KHDRBS2: variants seen among roughly 807,000 people sequenced by gnomAD.
KHDRBS2 encodes the protein KH domain-containing, RNA-binding, signal transduction-associated protein 2.
KHDRBS2 carries 26 observed loss-of-function variants against 44.3 expected under a neutral mutation model. The ratio of observed to expected loss-of-function variants is 0.59; its 90% CI spans 0.43 to 0.81. KHDRBS2 has a LOEUF of 0.81. Ranked by LOEUF, KHDRBS2 falls within the 40% of genes least tolerant of loss-of-function variation. KHDRBS2 has a pLI of 0.00. For synonymous variants in KHDRBS2, 194 were observed against 151.1 expected, an observed-to-expected ratio of 1.28 and a Z score of -2.08; for missense variants, 476 against 433.1, an observed-to-expected ratio of 1.10 and a Z score of -0.88.
chr6:62,172,587 T>C (rs1176449217), intron 2 of KHDRBS2, among the ~76,000 whole-genome samples: 6 of 149,860 alleles, frequency 4.0e-5, no homozygotes, highest in Admixed American at 6.8e-5. Context: ...ATGAACCTAA[T>C]AGACATCTAA....
At chr6:62,098,806 G>T (rs759441765) in intron 2 of KHDRBS2, among the ~76,000 whole-genome samples, 2 of 152,084 alleles carry the variant, frequency 1.3e-5, no homozygotes, top group African/African-American at 4.8e-5. Flanking sequence ...CTACCCAATA[G>T]TTCCTGTAGG....
chr6:61,924,173 G>A (rs531059234), intron 4 of KHDRBS2, among the ~76,000 whole-genome samples: 1 of 152,128 alleles, frequency 6.6e-6, no homozygotes, highest in Non-Finnish European at 1.5e-5. Flanking sequence ...AATAAAAAGA[G>A]ACGTACACTA....
chr6:62,001,883 A>T (rs1387410783), intron 3 of KHDRBS2, among the ~76,000 whole-genome samples: 6 of 152,118 alleles, frequency 3.9e-5, no homozygotes, highest in Non-Finnish European at 8.8e-5. Flanking sequence ...GGTTGAAAAG[A>T]AGAGGATTAT....
chr6:61,733,145 C>T (rs1482702300), intron 6 of KHDRBS2, among the ~76,000 whole-genome samples: 1 of 152,030 alleles, frequency 6.6e-6, no homozygotes, highest in Non-Finnish European at 1.5e-5. Context: ...ATTTTTTCTT[C>T]TCCTTTTAAT....
chr6:61,934,958 TTGTC>T (rs769574208), intron 4 of KHDRBS2, among the ~76,000 whole-genome samples: 8 of 152,184 alleles, frequency 5.3e-5, no homozygotes, highest in Non-Finnish European at 1.0e-4. Context: ...TCTAACAACT[TTGTC>T]TGTCTCTCAC....
At chr6:62,107,607 T>C (rs960448874) in intron 2 of KHDRBS2, among the ~76,000 whole-genome samples, 4 of 152,150 alleles carry the variant, frequency 2.6e-5, no homozygotes, top group African/African-American at 4.8e-5. Flanking sequence ...AAACTTCATA[T>C]GGAACCAAAA....
chr6:62,187,802 A>G (rs1823751647), intron 1 of KHDRBS2, among the ~76,000 whole-genome samples: 1 of 152,108 alleles, frequency 6.6e-6, no homozygotes, highest in African/African-American at 2.4e-5. Flanking sequence ...TGTATTGTTA[A>G]TTGTAAGTAC....
intron 4 of KHDRBS2, among the ~76,000 whole-genome samples, chr6:61,944,738 T>C (rs962132327): frequency 1.3e-5 from 2 of 152,102 alleles, no homozygotes; most frequent in African/African-American, 4.8e-5. Context: ...TTACACAGTC[T>C]TGTATGTAAA....
chr6:61,873,340 T>C (rs1177443399), intron 6 of KHDRBS2, among the ~76,000 whole-genome samples: 1 of 151,968 alleles, frequency 6.6e-6, no homozygotes, highest in Non-Finnish European at 1.5e-5. Flanking sequence ...ACAGGCATAG[T>C]TATGCAAGCA....
At chr6:62,162,327 T>C (rs1310972291) in intron 2 of KHDRBS2, among the ~76,000 whole-genome samples, 1 of 152,032 alleles carries the variant, frequency 6.6e-6, no homozygotes, top group Non-Finnish European at 1.5e-5. Flanking sequence ...ATGTATTACT[T>C]TTAAAGAACA....
chr6:62,109,924 T>C (rs1804612820), intron 2 of KHDRBS2, among the ~76,000 whole-genome samples: 1 of 151,734 alleles, frequency 6.6e-6, no homozygotes, highest in African/African-American at 2.4e-5. Context: ...CTATAAAACT[T>C]CTAAAAGAAG....
chr6:61,712,183 T>C (rs1364930123), intron 7 of KHDRBS2, among the ~76,000 whole-genome samples: 3 of 151,926 alleles, frequency 2.0e-5, no homozygotes, highest in Admixed American at 6.6e-5. Context: ...ACTGTATCAG[T>C]TGAGGCAATA....
the KHDRBS2 span, among the ~76,000 whole-genome samples, chr6:61,593,034 A>G: frequency 6.6e-6 from 1 of 152,190 alleles, no homozygotes; most frequent in African/African-American, 2.4e-5. Context: ...AGAAGAAGAA[A>G]AAAAGGTTAA....
At chr6:62,242,671 A>G (rs1001888889) in intron 1 of KHDRBS2, among the ~76,000 whole-genome samples, 1 of 152,170 alleles carries the variant, frequency 6.6e-6, no homozygotes, top group Non-Finnish European at 1.5e-5. Context: ...AGTTAACTAC[A>G]TTTTATTCCA....
intron 6 of KHDRBS2, among the ~76,000 whole-genome samples, chr6:61,848,490 T>TATATATATATATATACAC (rs1491335256): frequency 3.1e-5 from 1 of 32,178 alleles, no homozygotes; most frequent in African/African-American, 2.1e-4. Flanking sequence ...TATATATATA[T>TATATATATATATATACAC]GTATATATAT....
intron 6 of KHDRBS2, among the ~76,000 whole-genome samples, chr6:61,869,981 T>TGTTTTTTTTG (rs376408090): frequency 0.021 from 3,031 of 147,216 alleles, 61 homozygotes; most frequent in Non-Finnish European, 0.029. Flanking sequence ...TTTTTTTTTT[T>TGTTTTTTTTG]TTTTTTCCCC....
rs1422671687 is a variant in KHDRBS2 at position 61,680,696 on chromosome 6, C to A, written c.*267G>T. On this transcript the variant is annotated 3_prime_UTR_variant, in exon 9 of 9. Coordinates refer to ENST00000281156, the MANE Select transcript of KHDRBS2 (RefSeq NM_152688.4). ...GATTACACACAACAATGAAAAACAA[C>A]CAAGAGAATATCATCCTACTGAAAG... is the stretch of plus-strand genomic sequence containing the variant. 3.5e-5 allele frequency: 9 copies of A among 258,664 alleles called. No homozygotes were observed. Among genetic ancestry groups the A allele is most frequent in the Admixed American group, 3.3e-4 (6 of 18,306 alleles). 16.0% of individuals were successfully genotyped at this position (258,664 alleles called of 1,614,324 possible).
chr6:62,144,530 G>C (rs1813531264), intron 2 of KHDRBS2, among the ~76,000 whole-genome samples: 1 of 151,774 alleles, frequency 6.6e-6, no homozygotes, highest in Non-Finnish European at 1.5e-5. Flanking sequence ...CTAAGTTCTA[G>C]AAATTTGGAG....
chr6:62,118,061 C>T (rs1409436926), intron 2 of KHDRBS2, among the ~76,000 whole-genome samples: 2 of 152,158 alleles, frequency 1.3e-5, no homozygotes, highest in African/African-American at 4.8e-5. Context: ...CAGGCGTGAG[C>T]CACCGCGTCT....
Sources: allele counts gnomAD v4.1 joint callset (sites outside exome capture counted in the v4.1 genomes callset), GRCh38; gene constraint gnomAD v4.1.1; transcripts MANE v1.5; gene names NCBI Gene and HGNC (gene_info 2026-07-23, HGNC 2026-07-21).